The following ARHGAP22 variants were observed in gnomAD, a reference collection of about 807,000 sequenced individuals.
The protein encoded by ARHGAP22 is rho GTPase-activating protein 22.
A neutral mutation model predicts 59.1 loss-of-function variants in ARHGAP22; 48 were observed. The observed-to-expected ratio is 0.81, with a 90% CI of 0.64 to 1.03. The LOEUF (loss-of-function observed/expected upper bound fraction) is 1.03. ARHGAP22 is among the 50% of genes least tolerant of loss of function. ARHGAP22 has a pLI of 0.00. For missense variants in ARHGAP22, 1,015 were observed against 958.7 expected (o/e 1.06, Z -0.78); for synonymous variants, 445 against 416.4 (o/e 1.07, Z -0.84).
At chr10:48,519,142 C>A (rs899183886) in intron 3 of ARHGAP22, among the ~76,000 whole-genome samples, 1 of 152,188 alleles carries the variant, frequency 6.6e-6, no homozygotes, top group African/African-American at 2.4e-5. Context: ...CTGTGCTGGC[C>A]TGAGGACTGT....
chr10:48,464,001 A>G (rs2047405006), intron 4 of ARHGAP22, among the ~76,000 whole-genome samples: 1 of 152,182 alleles, frequency 6.6e-6, no homozygotes, highest in Non-Finnish European at 1.5e-5. Flanking sequence ...AATTCCACCC[A>G]GCCATCTCTT....
At chr10:48,467,405 T>A (rs750536376) in intron 4 of ARHGAP22, among the ~76,000 whole-genome samples, 85 of 151,426 alleles carry the variant, frequency 5.6e-4, no homozygotes, top group Non-Finnish European at 1.2e-3. Context: ...CTAGGGGCAA[T>A]GCAACGCCAG....
intron 4 of ARHGAP22, among the ~76,000 whole-genome samples, chr10:48,476,423 G>A (rs1589620020): frequency 6.6e-6 from 1 of 152,318 alleles, no homozygotes; most frequent in East Asian, 1.9e-4. Context: ...CCCAGGAAGG[G>A]CTCAGGGGCT....
intron 1 of ARHGAP22, among the ~76,000 whole-genome samples, chr10:48,642,886 T>C (rs570422349): frequency 1.6e-4 from 25 of 152,082 alleles, no homozygotes; most frequent in Non-Finnish European, 2.8e-4. Flanking sequence ...TCAAACAAAC[T>C]TACAAGAAAA....
chr10:48,482,672 T>C (rs2049444210), intron 3 of ARHGAP22, among the ~76,000 whole-genome samples: 1 of 152,238 alleles, frequency 6.6e-6, no homozygotes, highest in Non-Finnish European at 1.5e-5. Context: ...ACATAATATT[T>C]GTACATATTT....
chr10:48,645,185 G>A (rs759789658), intron 1 of ARHGAP22, among the ~76,000 whole-genome samples: 82 of 152,018 alleles, frequency 5.4e-4, no homozygotes, highest in Admixed American at 2.4e-3. Flanking sequence ...CCCACCTCCC[G>A]CCACAGACGT....
intron 1 of ARHGAP22, among the ~76,000 whole-genome samples, chr10:48,634,723 G>A (rs775593315): frequency 6.6e-6 from 1 of 152,128 alleles, no homozygotes; most frequent in East Asian, 1.9e-4. Flanking sequence ...TGTGTCCCCC[G>A]ACTCCAGTTC....
upstream of ARHGAP22, among the ~76,000 whole-genome samples, chr10:48,654,773 A>ACTTACTTTCTTT (rs1554967765): frequency 8.9e-6 from 1 of 112,264 alleles, no homozygotes; most frequent in African/African-American, 3.4e-5. Context: ...CATGCTGATT[A>ACTTACTTTCTTT]CTTTCTTTCT....
chr10:48,461,434 T>A (rs2034199), intron 4 of ARHGAP22, among the ~76,000 whole-genome samples: 26,690 of 152,138 alleles, frequency 0.18, 2,975 homozygotes, highest in East Asian at 0.61. Context: ...ACTTGTATGC[T>A]TTTCTGCATG....
intron 5 of ARHGAP22, among the ~76,000 whole-genome samples, chr10:48,458,554 T>A (rs888011778): frequency 4.6e-5 from 7 of 152,158 alleles, no homozygotes; most frequent in African/African-American, 1.7e-4. Context: ...CAAGGTCTGA[T>A]CTGTGTCTGC....
chr10:48,653,437 T>A (rs1374245892), upstream of ARHGAP22, among the ~76,000 whole-genome samples: 1 of 152,212 alleles, frequency 6.6e-6, no homozygotes, highest in Non-Finnish European at 1.5e-5. Context: ...GTTGGGGGAA[T>A]GTCATCTTGG....
chr10:48,534,397 C>T (rs933404991), intron 3 of ARHGAP22, among the ~76,000 whole-genome samples: 3 of 152,208 alleles, frequency 2.0e-5, no homozygotes, highest in African/African-American at 7.2e-5. Flanking sequence ...CCTCCCCCAC[C>T]CCCAGGAGAA....
chr10:48,430,928 TA>T, the ARHGAP22 span: 1 of 462,000 alleles, frequency 2.2e-6, no homozygotes, highest in African/African-American at 2.0e-5. Context: ...AGAAAGCTTC[TA>T]CCCCAGCACT....
intron 4 of ARHGAP22, among the ~76,000 whole-genome samples, chr10:48,464,809 G>C (rs957881186): frequency 1.3e-5 from 2 of 152,106 alleles, no homozygotes; most frequent in Non-Finnish European, 2.9e-5. Context: ...CTGTCTTTAG[G>C]GGGTGCTATG....
At chr10:48,455,461 C>T (rs1038499912) in intron 5 of ARHGAP22, among the ~76,000 whole-genome samples, 1 of 152,226 alleles carries the variant, frequency 6.6e-6, no homozygotes, top group Non-Finnish European at 1.5e-5. Context: ...GCGTAGACTG[C>T]GTAGGACTCC....
rs74130590 is a variant in ARHGAP22 at position 48,598,629 on chromosome 10, C to T, written c.34+6134G>A. Among the ~76,000 whole-genome samples, 1,164 of 152,312 alleles carry T rather than the reference C, an allele frequency of 7.6e-3. 22 individuals are homozygous for T. The highest frequency in any genetic ancestry group is 0.027 in the African/African-American group (1,106 of 41,566). On this transcript the variant is annotated intron_variant, in intron 1 of 9. Coordinates refer to ENST00000249601, the MANE Select transcript of ARHGAP22 (RefSeq NM_021226.4). ...TCCCTGCCCTCAGGGCCACTCCCTG[C>T]GCACCTGCTGCCCCCACTGCAGCCT...
rs79872059 is a variant in ARHGAP22, at chr10:48,534,566, G to A, written c.322+20897C>T. On this transcript the variant is annotated intron_variant, in intron 3 of 9. Transcript: ENST00000249601. ...TGCACTCAGGGTGGGAGGCGGTCTC[G>A]GTTACCTGAGCAGGAATCACTTAGT... Among the ~76,000 whole-genome samples, 83 of 152,310 alleles carry A rather than the reference G, an allele frequency of 5.4e-4. 1 individual carries two copies. The East Asian group carries it at 0.015, about 28-fold the overall frequency.
intron 3 of ARHGAP22, among the ~76,000 whole-genome samples, chr10:48,509,199 G>T (rs2052488321): frequency 6.6e-6 from 1 of 152,202 alleles, no homozygotes; most frequent in African/African-American, 2.4e-5. Context: ...GCAGAGTGCA[G>T]CATGCCATCC....
intron 2 of ARHGAP22, among the ~76,000 whole-genome samples, chr10:48,559,274 A>G (rs1217958911): frequency 1.3e-5 from 2 of 152,006 alleles, no homozygotes; most frequent in African/African-American, 2.4e-5. Flanking sequence ...CTCCAGGCAC[A>G]TGATAGATTT....
Sources: gnomAD v4.1 joint callset for allele counts (sites outside exome capture counted in the v4.1 genomes callset) on GRCh38, gnomAD v4.1.1 for gene constraint, MANE v1.5 for transcripts, NCBI Gene and HGNC (gene_info 2026-07-23, HGNC 2026-07-21) for gene names.